ASIC2: variants seen among roughly 807,000 people sequenced by gnomAD.
ASIC2 encodes the protein acid sensing ion channel subunit 2, also known as acid-sensing ion channel 2.
A neutral mutation model predicts 57.3 loss-of-function variants in ASIC2; 25 were observed. The observed-to-expected ratio is 0.44, with a 90% CI of 0.32 to 0.61. The LOEUF (loss-of-function observed/expected upper bound fraction) is 0.61, where lower values mean the gene tolerates loss of function less well. ASIC2 is among the 20% of genes least tolerant of loss of function. The pLI is 0.06. For missense variants in ASIC2, 641 were observed against 738.1 expected, an observed-to-expected ratio of 0.87 and a Z score of 1.52; for synonymous variants, 319 against 307.5, an observed-to-expected ratio of 1.04 and a Z score of -0.39.
intron 1 of ASIC2, among the ~76,000 whole-genome samples, chr17:33,441,937 C>T (rs144964853): frequency 7.9e-5 from 12 of 152,224 alleles, no homozygotes; most frequent in East Asian, 3.9e-4. Context: ...GTGACTCAGG[C>T]GTAAACACAG....
intron 1 of ASIC2, among the ~76,000 whole-genome samples, chr17:33,374,444 C>A (rs1374055882): frequency 1.3e-5 from 2 of 152,150 alleles, no homozygotes; most frequent in African/African-American, 4.8e-5. Context: ...ATGATTTCAT[C>A]CACAACCAAC....
chr17:33,342,657 C>G (rs919789209), intron 1 of ASIC2, among the ~76,000 whole-genome samples: 1 of 152,142 alleles, frequency 6.6e-6, no homozygotes, highest in Non-Finnish European at 1.5e-5. Context: ...TGCTTAGCCC[C>G]CAACTCTGGT....
rs149676225 is a variant in ASIC2, at chr17:33,015,085, G to A, written c.1590+886C>T. 6.9e-3 allele frequency among the ~76,000 whole-genome samples: 1,057 copies of A among 152,274 alleles called. 10 individuals are homozygous for A. The highest frequency in any genetic ancestry group is 0.044 in the Middle Eastern group (13 of 294). On this transcript the variant is annotated intron_variant, in intron 9 of 9. Transcript: ENST00000225823. ...CGTTCCACAGAGGCTGCAGGGGACCGGAGAATCAAAGCAAGATTTGTAGAC... is the reference window on the plus strand; with the variant it reads ...CGTTCCACAGAGGCTGCAGGGGACCAGAGAATCAAAGCAAGATTTGTAGAC...
At chr17:33,628,508 GTTGGTC>G (rs992941836) in intron 1 of ASIC2, among the ~76,000 whole-genome samples, 75 of 152,006 alleles carry the variant, frequency 4.9e-4, no homozygotes, top group African/African-American at 1.8e-3. Flanking sequence ...TGTTATCCAG[GTTGGTC>G]TTGAACTCTT....
intron 1 of ASIC2, among the ~76,000 whole-genome samples, chr17:34,120,669 G>T (rs1053985588): frequency 6.7e-6 from 1 of 148,448 alleles, no homozygotes; most frequent in African/African-American, 2.5e-5. Flanking sequence ...TTAAGACAAG[G>T]TTATACTAGA....
Position 33,236,516 on chromosome 17 carries a change from G to A in ASIC2, c.708+54892C>T, listed in dbSNP as rs544935431. Among the ~76,000 whole-genome samples the A allele has an allele frequency of 2.0e-5, 3 of 151,898 alleles. No individual in the cohort carries two copies. In the East Asian group the frequency reaches 5.8e-4, roughly 30 times the overall value. On this transcript the variant is annotated intron_variant, in intron 1 of 9. Transcript: ENST00000225823. The stretch of plus-strand genomic sequence containing the variant: ...ACGCTACTACACCCAGCTAATTTTT[G>A]TTTTTGTAGGCATGAGGTCTTGCTA...
intron 3 of ASIC2, among the ~76,000 whole-genome samples, chr17:33,072,697 C>T (rs2092074155): frequency 6.6e-6 from 1 of 152,218 alleles, no homozygotes; most frequent in Non-Finnish European, 1.5e-5. Context: ...GTGATCTGCT[C>T]ATGGCTACCT....
intron 1 of ASIC2, among the ~76,000 whole-genome samples, chr17:34,091,850 C>A (rs1910344004): frequency 6.6e-6 from 1 of 152,072 alleles, no homozygotes; most frequent in Non-Finnish European, 1.5e-5. Context: ...ATTGGAATCC[C>A]AGTTCTGTAT....
At position 33,824,515 on chromosome 17, in the gene ASIC2, A is replaced by G. The variant is rs565941746; in HGVS notation, c.555+331463T>C. On this transcript the variant is annotated intron_variant, in intron 1 of 9. Coordinates refer to the ASIC2 transcript ENST00000359872. ...GTATGAGCTGATGAGCTATTGAATC[A>G]GATTCTATTGAAATATCACTCCTGC... 2.8e-4 allele frequency among the ~76,000 whole-genome samples: 43 copies of G among 152,336 alleles called. No homozygotes were observed. In the South Asian group the frequency reaches 4.4e-3, roughly 15 times the overall value.
chr17:34,028,546 A>T (rs1162154259), intron 1 of ASIC2, among the ~76,000 whole-genome samples: 5 of 152,076 alleles, frequency 3.3e-5, no homozygotes, highest in Non-Finnish European at 1.5e-5. Context: ...CTATGAATTT[A>T]CTCTTTTAAT....
At chr17:33,164,241 A>C (rs540229510) in intron 1 of ASIC2, among the ~76,000 whole-genome samples, 1 of 152,224 alleles carries the variant, frequency 6.6e-6, no homozygotes, top group South Asian at 2.1e-4. Context: ...GGCCTGCCCC[A>C]TGCTCTGTGC....
intron 1 of ASIC2, among the ~76,000 whole-genome samples, chr17:33,740,269 C>T (rs1910068596): frequency 6.6e-6 from 1 of 152,228 alleles, no homozygotes; most frequent in Admixed American, 6.5e-5. Context: ...CGTTCTCACA[C>T]TGCTATAAAG....
intron 1 of ASIC2, among the ~76,000 whole-genome samples, chr17:33,285,044 G>A (rs929896307): frequency 2.0e-5 from 3 of 152,200 alleles, no homozygotes; most frequent in African/African-American, 7.2e-5. Flanking sequence ...TTGAGTCAAT[G>A]AAATTTACTC....
intron 1 of ASIC2, among the ~76,000 whole-genome samples, chr17:33,725,721 ACCC>A (rs3064573): frequency 2.3e-5 from 3 of 130,602 alleles, no homozygotes; most frequent in South Asian, 2.8e-4. Context: ...CTATTAAGAA[ACCC>A]CCCCCCCCTT....
intron 1 of ASIC2, among the ~76,000 whole-genome samples, chr17:33,472,376 C>T (rs932575897): frequency 2.0e-5 from 3 of 152,256 alleles, no homozygotes; most frequent in African/African-American, 7.2e-5. Context: ...GCACTGGGCA[C>T]ATTGTGTAAG....
In ASIC2 at chr17:33,292,698, C is replaced by T. The variant is rs1905546442; in HGVS notation, c.-583G>A. 1.0e-6 allele frequency: 1 copy of T among 985,452 alleles called. No individual in the cohort carries two copies. The highest frequency in any genetic ancestry group is 1.2e-6 in the Non-Finnish European group (1 of 830,044). 61.0% of individuals were successfully genotyped at this position (985,452 alleles called of 1,614,324 possible). ...CGCCCCCAGAGGCGCACCGCGGCTC[C>T]TGGCTGGGCGGGCGGGGTGGGTGTG... On this transcript the variant is annotated 5_prime_UTR_variant, in exon 1 of 10. Coordinates refer to ENST00000225823, the MANE Select transcript of ASIC2 (RefSeq NM_183377.2).
intron 1 of ASIC2, among the ~76,000 whole-genome samples, chr17:33,467,059 C>T (rs1248470120): frequency 6.6e-6 from 1 of 152,056 alleles, no homozygotes; most frequent in African/African-American, 2.4e-5. Context: ...GAACAGGCAA[C>T]CTACAGAATG....
At chr17:33,196,983 C>G (rs1352607043) in intron 1 of ASIC2, among the ~76,000 whole-genome samples, 1 of 152,170 alleles carries the variant, frequency 6.6e-6, no homozygotes, top group Non-Finnish European at 1.5e-5. Flanking sequence ...GTACATGGGA[C>G]AGGGAGAGGA....
intron 1 of ASIC2, among the ~76,000 whole-genome samples, chr17:33,899,515 A>G (rs906206217): frequency 6.6e-6 from 1 of 152,198 alleles, no homozygotes; most frequent in Non-Finnish European, 1.5e-5. Context: ...ATACCTGAGC[A>G]ACGGATGAAT....
Sources: allele counts gnomAD v4.1 joint callset (sites outside exome capture counted in the v4.1 genomes callset), GRCh38; gene constraint gnomAD v4.1.1; transcripts MANE v1.5; gene names NCBI Gene and HGNC (gene_info 2026-07-23, HGNC 2026-07-21).